The following GRIA4 variants were observed in gnomAD, a reference collection of about 807,000 sequenced individuals.
The protein encoded by GRIA4 is glutamate ionotropic receptor AMPA type subunit 4.
A neutral mutation model predicts 104.0 loss-of-function variants in GRIA4; 34 were observed. That is an observed-to-expected ratio of 0.33 (90% confidence interval 0.25 to 0.44). The LOEUF (loss-of-function observed/expected upper bound fraction) is 0.44. Ranked by LOEUF, GRIA4 falls within the 20% of genes least tolerant of loss-of-function variation. GRIA4 has a pLI of 1.00. For missense variants in GRIA4, 750 were observed against 1,096.5 expected, an observed-to-expected ratio of 0.68 and a Z score of 4.46; for synonymous variants, 386 against 381.9, an observed-to-expected ratio of 1.01 and a Z score of -0.13.
intron 11 of GRIA4, among the ~76,000 whole-genome samples, chr11:105,921,599 A>C (rs1947566321): frequency 6.6e-6 from 1 of 152,106 alleles, no homozygotes; most frequent in Admixed American, 6.6e-5. Context: ...CACCACCTTC[A>C]TACAACGTTC....
intron 3 of GRIA4, among the ~76,000 whole-genome samples, chr11:105,623,230 G>C (rs143207315): frequency 6.6e-6 from 1 of 151,742 alleles, no homozygotes; most frequent in African/African-American, 2.4e-5. Flanking sequence ...TAGATACCCA[G>C]TAGTGGGATT....
intron 3 of GRIA4, among the ~76,000 whole-genome samples, chr11:105,674,512 A>G (rs1952474595): frequency 1.3e-5 from 2 of 151,836 alleles, no homozygotes; most frequent in Non-Finnish European, 2.9e-5. Flanking sequence ...CTGTGGCCAA[A>G]TATAGGCTAT....
intron 4 of GRIA4, among the ~76,000 whole-genome samples, chr11:105,852,217 C>T (rs930727465): frequency 2.0e-5 from 3 of 151,960 alleles, no homozygotes; most frequent in Admixed American, 1.3e-4. Context: ...TTTTGTTTTT[C>T]GTTTGGAGGG....
intron 4 of GRIA4, among the ~76,000 whole-genome samples, chr11:105,805,947 G>T (rs1047544375): frequency 6.6e-6 from 1 of 151,822 alleles, no homozygotes; most frequent in Admixed American, 6.6e-5. Context: ...AATATAATTA[G>T]ATTAGAGAGG....
At chr11:105,664,509 G>A (rs1328038039) in intron 3 of GRIA4, among the ~76,000 whole-genome samples, 1 of 151,754 alleles carries the variant, frequency 6.6e-6, no homozygotes, top group Non-Finnish European at 1.5e-5. Flanking sequence ...TATAAATGAA[G>A]GAGATAACGT....
chr11:105,721,471 T>C (rs2135577031), intron 3 of GRIA4, among the ~76,000 whole-genome samples: 1 of 152,268 alleles, frequency 6.6e-6, no homozygotes, highest in East Asian at 1.9e-4. Flanking sequence ...GAATATGTTT[T>C]GTTGTTTACA....
intron 14 of GRIA4, among the ~76,000 whole-genome samples, chr11:105,968,458 G>A (rs548149406): frequency 5.3e-5 from 8 of 152,266 alleles, no homozygotes; most frequent in South Asian, 2.1e-4. Flanking sequence ...ACTCCAGGCC[G>A]TGCAGTAATT....
intron 3 of GRIA4, among the ~76,000 whole-genome samples, chr11:105,752,727 A>T (rs754209245): frequency 6.6e-6 from 1 of 152,064 alleles, no homozygotes; most frequent in Non-Finnish European, 1.5e-5. Context: ...TTTCCCTTTA[A>T]TCCAATTGGC....
intron 3 of GRIA4, among the ~76,000 whole-genome samples, chr11:105,711,111 T>G (rs189551778): frequency 1.8e-4 from 28 of 152,144 alleles, no homozygotes; most frequent in African/African-American, 6.5e-4. Context: ...GTGAATAAGT[T>G]TTAGCTATGT....
intron 3 of GRIA4, among the ~76,000 whole-genome samples, chr11:105,745,526 GAAGA>G (rs1171839894): frequency 6.6e-6 from 1 of 152,146 alleles, no homozygotes; most frequent in Admixed American, 6.6e-5. Flanking sequence ...TCCAGAAGAA[GAAGA>G]AACACAGAAA....
At chr11:105,915,549 A>G (rs1420825973) in intron 10 of GRIA4, among the ~76,000 whole-genome samples, 2 of 152,188 alleles carry the variant, frequency 1.3e-5, no homozygotes, top group African/African-American at 2.4e-5. Flanking sequence ...CTTTATAAAG[A>G]TACTATTTAG....
At chr11:105,941,106 C>T (rs1426138334) in intron 14 of GRIA4, among the ~76,000 whole-genome samples, 2 of 152,106 alleles carry the variant, frequency 1.3e-5, no homozygotes, top group African/African-American at 4.8e-5. Context: ...AAACCTAACC[C>T]TAGTCCTGAG....
At chr11:105,951,258 C>G (rs1047638098) in intron 14 of GRIA4, among the ~76,000 whole-genome samples, 1 of 152,178 alleles carries the variant, frequency 6.6e-6, no homozygotes, top group East Asian at 1.9e-4. Context: ...CTGGTCCAGG[C>G]AGGGCATCTG....
chr11:105,616,519 T>C (rs973398559), intron 3 of GRIA4, among the ~76,000 whole-genome samples: 3 of 151,750 alleles, frequency 2.0e-5, no homozygotes, highest in East Asian at 1.9e-4. Context: ...AGGTACTTAA[T>C]AAAAACTCAC....
At chr11:105,701,909 A>G (rs912224242) in intron 3 of GRIA4, among the ~76,000 whole-genome samples, 6 of 152,182 alleles carry the variant, frequency 3.9e-5, no homozygotes, top group Non-Finnish European at 5.9e-5. Flanking sequence ...TCATAGTAAT[A>G]TACCAATATT....
chr11:105,700,098 A>G (rs1419317304), intron 3 of GRIA4, among the ~76,000 whole-genome samples: 2 of 152,230 alleles, frequency 1.3e-5, no homozygotes, highest in Admixed American at 6.5e-5. Flanking sequence ...GAGATGTGAT[A>G]TTTTATTATA....
intron 4 of GRIA4, among the ~76,000 whole-genome samples, chr11:105,766,220 T>C (rs1451691903): frequency 6.6e-6 from 1 of 152,206 alleles, no homozygotes; most frequent in Non-Finnish European, 1.5e-5. Context: ...TTTCCCATTT[T>C]TCAGGCCACC....
intron 15 of GRIA4, among the ~76,000 whole-genome samples, chr11:105,973,035 G>C (rs938641337): frequency 2.0e-5 from 3 of 152,112 alleles, no homozygotes; most frequent in Admixed American, 2.0e-4. Context: ...CCTTTAACCA[G>C]AGTGGAATGA....
chr11:105,626,598 CT>C (rs1314009909), intron 3 of GRIA4, among the ~76,000 whole-genome samples: 1 of 151,988 alleles, frequency 6.6e-6, no homozygotes, highest in Non-Finnish European at 1.5e-5. Flanking sequence ...GTAGGAAAAC[CT>C]CTAAACACGA....
Sources: allele counts gnomAD v4.1 joint callset (sites outside exome capture counted in the v4.1 genomes callset), GRCh38; gene constraint gnomAD v4.1.1; transcripts MANE v1.5; gene names NCBI Gene and HGNC (gene_info 2026-07-23, HGNC 2026-07-21).